The following NOP58 variants were observed in gnomAD, a reference collection of about 807,000 sequenced individuals.
NOP58 encodes nucleolar protein 58.
NOP58 carries 44 observed loss-of-function variants against 71.2 expected under a neutral mutation model. The ratio of observed to expected loss-of-function variants is 0.62; its 90% CI spans 0.49 to 0.79. The LOEUF (loss-of-function observed/expected upper bound fraction) is 0.79. Ranked by LOEUF, NOP58 falls within the 30% of genes least tolerant of loss-of-function variation. The pLI is 0.00. For missense variants in NOP58, 538 were observed against 620.2 expected, an observed-to-expected ratio of 0.87 and a Z score of 1.41; for synonymous variants, 228 against 200.3, an observed-to-expected ratio of 1.14 and a Z score of -1.17.
rs773830845 is a variant in NOP58 at position 202,297,405 on chromosome 2, C to A, written c.1098C>A (p.Thr366=). 1.9e-6 allele frequency: 3 copies of A among 1,613,374 alleles called. 1 individual carries two copies. In the East Asian group the frequency reaches 6.7e-5, roughly 36 times the overall value. ...GKISRMLAAK[T]VLAIRYDAFG... is the part of the protein sequence containing the mutation. ...TTTCTCGAATGCTGGCAGCCAAAAC[C>A]GTTTTGGCTATCCGTTATGATGCTT... The change falls in exon 11 of 15, where the codon ACC becomes ACA. Residue 366 remains threonine (T), a synonymous_variant. Transcript: ENST00000264279.
At chr2:202,301,084 T>C (rs1689083620) in intron 13 of NOP58, among the ~76,000 whole-genome samples, 1 of 152,164 alleles carries the variant, frequency 6.6e-6, no homozygotes, top group Non-Finnish European at 1.5e-5. Context: ...CTAAACCCAC[T>C]AGTAGCATTT....
Position 202,275,130 on chromosome 2 carries a change from ACTT to A in NOP58, c.65_67del (p.Leu22del). The A allele has an allele frequency of 6.4e-7, 1 of 1,561,834 alleles. No homozygotes were observed. Among genetic ancestry groups the A allele is most frequent in the Non-Finnish European group, 8.8e-7 (1 of 1,142,382 alleles). ...TATTACAGGTTCTAAATGAGAAGAA[ACTT>A]CAAGAGGTTGATAGTTTATGGAAAG... On this transcript the variant is annotated inframe_deletion, in exon 2 of 15. Transcript: ENST00000264279.
Position 202,300,333 on chromosome 2 carries a change from AAAGAAAGCC to A in NOP58, c.1371_1379del (p.Lys461_Lys463del), listed in dbSNP as rs1382813702. On this transcript the variant is annotated inframe_deletion, in exon 13 of 15. Transcript: ENST00000264279. ...TAGATAAAGAGGATGAAATTACTGAAAAGAAAGCCAAAAAAGCCAAGATTAAAGTTAAAG... is the reference window on the plus strand; with the variant it reads ...TAGATAAAGAGGATGAAATTACTGAAAAAAAAGCCAAGATTAAAGTTAAAG... The A allele has an allele frequency of 6.3e-7, 1 of 1,595,030 alleles. No individual in the cohort carries two copies. Among genetic ancestry groups the A allele is most frequent in the Non-Finnish European group, 8.5e-7 (1 of 1,175,692 alleles).
chr2:202,284,327 A>C lies in NOP58; in HGVS notation c.298-18A>C, dbSNP rs1157469016. On this transcript the variant is annotated intron_variant, in intron 4 of 14. Coordinates refer to ENST00000264279, the MANE Select transcript of NOP58 (RefSeq NM_015934.5). ...TCTTTTTTTTTTTAATTTAATATAGATGTTCATGTTCTTGTAGGAAAAGCT... is the reference window on the plus strand; with the variant it reads ...TCTTTTTTTTTTTAATTTAATATAGCTGTTCATGTTCTTGTAGGAAAAGCT... The C allele has an allele frequency of 6.5e-7, 1 of 1,547,602 alleles. No individual in the cohort carries two copies. Among genetic ancestry groups the C allele is most frequent in the Non-Finnish European group, 8.8e-7 (1 of 1,138,596 alleles).
At chr2:202,297,802 T>G in intron 11 of NOP58, 43 bp from the exon 12 acceptor site, 1 of 1,152,018 alleles carries the variant, frequency 8.7e-7, no homozygotes, top group Non-Finnish European at 1.3e-6. Flanking sequence ...ATAAAGAGAT[T>G]ATGACTTAGA....
chr2:202,288,707 C>G (rs1467529366), intron 6 of NOP58, among the ~76,000 whole-genome samples: 5 of 151,782 alleles, frequency 3.3e-5, no homozygotes, highest in Non-Finnish European at 7.4e-5. Context: ...CTCAGCTATT[C>G]AGGAGGCTGA....
chr2:202,299,668 C>T (rs1037332362), intron 12 of NOP58, among the ~76,000 whole-genome samples: 2 of 152,070 alleles, frequency 1.3e-5, no homozygotes, highest in African/African-American at 4.8e-5. Flanking sequence ...CTTAAAGCAT[C>T]CATTCACATT....
intron 1 of NOP58, among the ~76,000 whole-genome samples, chr2:202,272,570 AC>A (rs1261631522): frequency 6.6e-6 from 1 of 152,252 alleles, no homozygotes; most frequent in Non-Finnish European, 1.5e-5. Context: ...GTTGGTATTA[AC>A]AATTTATAAA....
intron 10 of NOP58, among the ~76,000 whole-genome samples, chr2:202,296,802 C>T (rs760112784): frequency 6.6e-6 from 1 of 151,886 alleles, no homozygotes; most frequent in Non-Finnish European, 1.5e-5. Context: ...GGTGCCATCC[C>T]GGCTCACTGC....
chr2:202,302,818 G>A, intron 13 of NOP58, 103 bp from the exon 14 acceptor site: 2 of 1,452,380 alleles, frequency 1.4e-6, no homozygotes, highest in South Asian at 1.5e-5. Context: ...ACATTGGGTA[G>A]TTGATGAGAA....
chr2:202,285,428 A>C (rs1688771435), intron 5 of NOP58, among the ~76,000 whole-genome samples: 2 of 145,952 alleles, frequency 1.4e-5, no homozygotes, highest in East Asian at 4.0e-4. Flanking sequence ...GGCTCACTGC[A>C]ACCTGGACAT....
chr2:202,285,202 C>G (rs1688768441), intron 5 of NOP58, among the ~76,000 whole-genome samples: 1 of 151,840 alleles, frequency 6.6e-6, no homozygotes, highest in South Asian at 2.1e-4. Flanking sequence ...CACTACTGCC[C>G]AACTAATTTT....
rs1055728682 is a variant in NOP58, at chr2:202,303,493, G to C, written c.*57G>C. ...ACACATCATGCTTAAGATTCAACTG[G>C]GAGCATACCAGGGATGCTCTCTAAC... On this transcript the variant is annotated 3_prime_UTR_variant, in exon 15 of 15. Transcript: ENST00000264279. 8 of 1,566,442 alleles carry C rather than the reference G, an allele frequency of 5.1e-6. No homozygotes were observed. Among genetic ancestry groups the C allele is most frequent in the Non-Finnish European group, 8.7e-7 (1 of 1,154,922 alleles).
chr2:202,280,255 C>T (rs1688678024), intron 3 of NOP58, among the ~76,000 whole-genome samples: 1 of 152,084 alleles, frequency 6.6e-6, no homozygotes, highest in African/African-American at 2.4e-5. Flanking sequence ...AATCCCAACA[C>T]TTTGAGGGGC....
intron 5 of NOP58, among the ~76,000 whole-genome samples, chr2:202,286,544 C>A (rs1574383203): frequency 6.6e-6 from 1 of 152,070 alleles, no homozygotes; most frequent in East Asian, 1.9e-4. Flanking sequence ...TTAAAAAGGT[C>A]TATTTTAAAA....
At chr2:202,266,753 C>T (rs1264870492) in intron 1 of NOP58, among the ~76,000 whole-genome samples, 1 of 152,116 alleles carries the variant, frequency 6.6e-6, no homozygotes, top group African/African-American at 2.4e-5. Context: ...ATGAAATTGC[C>T]TGGTATGGAG....
intron 6 of NOP58, 68 bp downstream of exon 6, chr2:202,287,792 TA>T: frequency 8.6e-7 from 1 of 1,165,510 alleles, no homozygotes; most frequent in Non-Finnish European, 1.3e-6. Context: ...CTGTTGAAAC[TA>T]TCTTTTATGA....
In NOP58 at chr2:202,303,482, A is replaced by T; in HGVS notation, c.*46A>T. On this transcript the variant is annotated 3_prime_UTR_variant, in exon 15 of 15. Transcript: ENST00000264279. Reference sequence around the variant, plus strand: ...ATCACCCGGACACACATCATGCTTAAGATTCAACTGGGAGCATACCAGGGA... The same window carrying T: ...ATCACCCGGACACACATCATGCTTATGATTCAACTGGGAGCATACCAGGGA... 2 of 1,579,176 alleles carry T rather than the reference A, an allele frequency of 1.3e-6. No homozygotes were observed. Among genetic ancestry groups the T allele is most frequent in the Non-Finnish European group, 1.7e-6 (2 of 1,161,508 alleles).
rs184414617 is a variant in NOP58, at chr2:202,280,521, C to T, written c.176-1830C>T. On this transcript the variant is annotated intron_variant, in intron 3 of 14. Transcript: ENST00000264279. ...TAATTTTTGTATTTTTTAGTAGAGA[C>T]GGGGTTTTGCCTGTTGGCCAGGCTG... Among the ~76,000 whole-genome samples, 686 of 152,080 alleles carry T rather than the reference C, an allele frequency of 4.5e-3. 5 individuals carry two copies. Among genetic ancestry groups the T allele is most frequent in the African/African-American group, 0.015 (642 of 41,494 alleles).
Sources: allele counts gnomAD v4.1 joint callset (sites outside exome capture counted in the v4.1 genomes callset), GRCh38; gene constraint gnomAD v4.1.1; transcripts MANE v1.5; gene names NCBI Gene and HGNC (gene_info 2026-07-23, HGNC 2026-07-21).